DNAH9: variants seen among roughly 807,000 people sequenced by gnomAD.
The protein encoded by DNAH9 is dynein axonemal heavy chain 9.
In DNAH9, 345 loss-of-function variants were observed where a neutral mutation model predicts 471.6. The ratio of observed to expected loss-of-function variants is 0.73; its 90% CI spans 0.67 to 0.80. The LOEUF (loss-of-function observed/expected upper bound fraction) is 0.80. Ranked by LOEUF, DNAH9 falls within the 30% of genes least tolerant of loss-of-function variation. The probability of loss-of-function intolerance (pLI) is 0.00; values close to 1 mark genes in which losing one functional copy is unlikely to be tolerated. For synonymous variants in DNAH9, 2,093 were observed against 2,123.6 expected, an observed-to-expected ratio of 0.99 and a Z score of 0.40; for missense variants, 5,407 against 5,609.2, an observed-to-expected ratio of 0.96 and a Z score of 1.15.
intron 10 of DNAH9, among the ~76,000 whole-genome samples, chr17:11,641,410 G>A (rs760995282): frequency 1.3e-5 from 2 of 152,148 alleles, no homozygotes; most frequent in Non-Finnish European, 2.9e-5. Context: ...AACAAAGCAT[G>A]CCTGTGAGGC....
chr17:11,778,202 A>G (rs138026261), intron 38 of DNAH9, among the ~76,000 whole-genome samples: 3,716 of 151,690 alleles, frequency 0.024, 71 homozygotes, highest in Non-Finnish European at 0.039. Flanking sequence ...GTGACTCATG[A>G]TCAGAAACAA....
intron 31 of DNAH9, among the ~76,000 whole-genome samples, chr17:11,745,862 T>C (rs2075515765): frequency 6.6e-6 from 1 of 151,628 alleles, no homozygotes; most frequent in Non-Finnish European, 1.5e-5. Context: ...TTATGTATTG[T>C]GTGTGTGTGT....
intron 17 of DNAH9, among the ~76,000 whole-genome samples, chr17:11,674,479 G>C (rs2074020354): frequency 6.6e-6 from 1 of 152,100 alleles, no homozygotes; most frequent in Admixed American, 6.6e-5. Context: ...TTTTTGGTGA[G>C]TCATTATGTT....
At chr17:11,704,586 T>A in intron 25 of DNAH9, 144 bp downstream of exon 25, 2 of 696,178 alleles carry the variant, frequency 2.9e-6, no homozygotes, top group Non-Finnish European at 4.5e-6. Context: ...CTCCTACTTT[T>A]TTTTTTTTTT....
chr17:11,821,009 C>A (rs1177101508), intron 45 of DNAH9, among the ~76,000 whole-genome samples: 1 of 152,118 alleles, frequency 6.6e-6, no homozygotes, highest in African/African-American at 2.4e-5. Flanking sequence ...TGGCCAGGCG[C>A]AGTGGCTCAT....
chr17:11,750,618 C>T (rs892008891), intron 32 of DNAH9, among the ~76,000 whole-genome samples: 6 of 151,980 alleles, frequency 3.9e-5, no homozygotes, highest in Non-Finnish European at 7.4e-5. Flanking sequence ...AAACAAATAG[C>T]AAGAAAGTCA....
chr17:11,951,613 C>G (rs1975362744), intron 67 of DNAH9, among the ~76,000 whole-genome samples: 4 of 151,998 alleles, frequency 2.6e-5, no homozygotes, highest in Admixed American at 2.6e-4. Flanking sequence ...TAGTGAGACC[C>G]TATCTTGAGG....
Position 11,797,988 on chromosome 17 carries a change from T to G in DNAH9, c.8420+195T>G, listed in dbSNP as rs553728100. 1.2e-3 allele frequency among the ~76,000 whole-genome samples: 180 copies of G among 152,222 alleles called. 1 individual carries two copies. Among genetic ancestry groups the G allele is most frequent in the African/African-American group, 4.2e-3 (173 of 41,540 alleles). ...CCTAGGGGGCAGCACAGTGCGGAGC[T>G]CAGGCAGGAATGGGTTCATTTCCAG... On this transcript the variant is annotated intron_variant, in intron 43 of 68. Coordinates refer to ENST00000262442, the MANE Select transcript of DNAH9 (RefSeq NM_001372.4).
At position 11,896,129 on chromosome 17, in the gene DNAH9, G is replaced by A. The variant is rs74664587; in HGVS notation, c.11406+1633G>A. ...TTCCCTTTGTGAGTCCTGTCTCTCT[G>A]CTTCTTATAAGAGCACCAGTTATAT... On this transcript the variant is annotated intron_variant, in intron 59 of 68. Coordinates refer to ENST00000262442, the MANE Select transcript of DNAH9 (RefSeq NM_001372.4). 4.0e-3 allele frequency among the ~76,000 whole-genome samples: 606 copies of A among 152,202 alleles called. 5 individuals carry two copies. Among genetic ancestry groups the A allele is most frequent in the African/African-American group, 0.013 (559 of 41,522 alleles).
chr17:11,809,046 G>A (rs1486361362), intron 44 of DNAH9, among the ~76,000 whole-genome samples: 1 of 152,150 alleles, frequency 6.6e-6, no homozygotes, highest in Non-Finnish European at 1.5e-5. Context: ...AGAGAGAAAG[G>A]CAACATCAAG....
chr17:11,962,585 G>C lies in DNAH9; in HGVS notation c.13233+329G>C, dbSNP rs747535452. 1.3e-5 allele frequency among the ~76,000 whole-genome samples: 2 copies of C among 152,178 alleles called. No homozygotes were observed. Among genetic ancestry groups the C allele is most frequent in the South Asian group, 4.1e-4 (2 of 4,832 alleles). ...CTCACCTGTTAGATGGGAGAAGAGC[G>C]TCATTGTAAAAGTTAAACGAGCTAA... On this transcript the variant is annotated intron_variant, in intron 68 of 68. Transcript: ENST00000262442. The surrounding 1 kb of genome is among the most constrained non-coding windows in gnomAD (Gnocchi z 4.1).
intron 19 of DNAH9, among the ~76,000 whole-genome samples, chr17:11,681,287 T>C (rs758750290): frequency 1.3e-5 from 2 of 152,250 alleles, no homozygotes; most frequent in Non-Finnish European, 2.9e-5. Context: ...CATTTCATTT[T>C]GGCAGCATAA....
chr17:11,923,357 G>A (rs1273308834), intron 61 of DNAH9, among the ~76,000 whole-genome samples: 1 of 152,032 alleles, frequency 6.6e-6, no homozygotes, highest in Non-Finnish European at 1.5e-5. Flanking sequence ...TGGGATTACA[G>A]GAGTGAGCCA....
At chr17:11,868,052 C>T (rs926763934) in intron 50 of DNAH9, among the ~76,000 whole-genome samples, 6 of 152,206 alleles carry the variant, frequency 3.9e-5, no homozygotes, top group Admixed American at 6.5e-5. Flanking sequence ...CCTGCTCCAG[C>T]GGTCTCCACT....
chr17:11,849,524 G>A (rs752148425), intron 49 of DNAH9, among the ~76,000 whole-genome samples: 9 of 152,164 alleles, frequency 5.9e-5, no homozygotes, highest in Non-Finnish European at 1.5e-5. Context: ...CCTCCCCACT[G>A]TACATCATAG....
chr17:11,804,670 C>G (rs577957772), intron 43 of DNAH9, among the ~76,000 whole-genome samples: 29 of 152,080 alleles, frequency 1.9e-4, no homozygotes, highest in African/African-American at 6.5e-4. Context: ...GTCAGGAGAT[C>G]GAGTCCATCC....
chr17:11,634,256 G>T (rs776952910), intron 8 of DNAH9, among the ~76,000 whole-genome samples: 21 of 151,978 alleles, frequency 1.4e-4, no homozygotes, highest in Non-Finnish European at 3.1e-4. Flanking sequence ...TCTCTTTTTG[G>T]TGATCTCACC....
At chr17:11,931,959 A>G in intron 63 of DNAH9, 55 bp from the exon 64 acceptor site, 5 of 1,588,510 alleles carry the variant, frequency 3.1e-6, no homozygotes, top group Non-Finnish European at 4.3e-6. Context: ...CACCCTAGCC[A>G]GCCCCGTATA....
intron 4 of DNAH9, among the ~76,000 whole-genome samples, chr17:11,617,137 T>C (rs2072762550): frequency 6.6e-6 from 1 of 152,078 alleles, no homozygotes; most frequent in African/African-American, 2.4e-5. Context: ...AATTGGCAAA[T>C]ATTTACTACC....
Sources: allele counts gnomAD v4.1 joint callset (sites outside exome capture counted in the v4.1 genomes callset), GRCh38; gene constraint gnomAD v4.1.1; non-coding constraint Gnocchi (gnomAD v3.1); transcripts MANE v1.5; gene names NCBI Gene and HGNC (gene_info 2026-07-23, HGNC 2026-07-21).